Variants in C6 observed in about 807,000 individuals in gnomAD.
C6 encodes complement C6.
Under a neutral mutation model 112.9 loss-of-function variants are expected in C6, and 101 were observed. The ratio of observed to expected loss-of-function variants is 0.89; its 90% confidence interval spans 0.76 to 1.06. The LOEUF is 1.06. Ranked by LOEUF, C6 falls within the 50% of genes least tolerant of loss-of-function variation. The pLI, the probability that C6 is intolerant of heterozygous loss-of-function variation, is 0.00. For missense variants in C6, 1,202 were observed against 1,104.6 expected (o/e 1.09, Z -1.25); for synonymous variants, 431 against 384.1 (o/e 1.12, Z -1.43).
At chr5:41,165,765 C>G (rs985304921) in intron 9 of C6, among the ~76,000 whole-genome samples, 3 of 151,876 alleles carry the variant, frequency 2.0e-5, no homozygotes, top group Non-Finnish European at 4.4e-5. Context: ...TAAGTAAATA[C>G]TATTATTATT....
intron 1 of C6, among the ~76,000 whole-genome samples, chr5:41,241,081 A>G (rs1314353805): frequency 6.6e-6 from 1 of 152,180 alleles, no homozygotes; most frequent in African/African-American, 2.4e-5. Context: ...TGAGGCCCCC[A>G]GTGGCATGCA....
intron 7 of C6, among the ~76,000 whole-genome samples, chr5:41,179,509 C>T (rs1749142711): frequency 6.6e-6 from 1 of 151,910 alleles, no homozygotes; most frequent in Non-Finnish European, 1.5e-5. Context: ...CATGCCCAAT[C>T]CCAGGTATTC....
chr5:41,146,921 CAA>C (rs373241654), intron 17 of C6, among the ~76,000 whole-genome samples: 50 of 144,830 alleles, frequency 3.5e-4, no homozygotes, highest in Non-Finnish European at 7.0e-4. Context: ...GGGAAGATAG[CAA>C]AAAAAAAAAT....
intron 1 of C6, chr5:41,213,165 G>A (rs1490954525): frequency 6.4e-6 from 1 of 155,446 alleles, no homozygotes; most frequent in East Asian, 1.9e-4. Flanking sequence ...AGAGAAACTT[G>A]ATCTCAAATG....
chr5:41,173,492 C>T (rs1478514994), intron 8 of C6, among the ~76,000 whole-genome samples: 3 of 152,156 alleles, frequency 2.0e-5, no homozygotes, highest in Non-Finnish European at 4.4e-5. Flanking sequence ...TGACTCACTG[C>T]TGGAAACATC....
rs752169165 is a variant in C6, at chr5:41,159,148, C to T, written c.1790G>A (p.Gly597Glu). 3 of 1,613,684 alleles carry T rather than the reference C, an allele frequency of 1.9e-6. No individual in the cohort carries two copies. The highest frequency in any genetic ancestry group is 2.5e-6 in the Non-Finnish European group (3 of 1,179,762). ...CTTCTCCCCCTCACAGCGTTTCCCT[C>T]CTCGTTGGGGGGCAGGATTATTGCA... ...RECNNPAPQRGGKRCEGEKRQ... is the reference protein window; with the variant it reads ...RECNNPAPQREGKRCEGEKRQ... The change falls in exon 12 of 18, where the codon GGA becomes GAA. Residue 597 changes from glycine to glutamate, a missense_variant. By Grantham distance (98) the Gly-to-Glu change is moderately conservative. Transcript: ENST00000337836.
chr5:41,148,115 A>G (rs1024966853), intron 17 of C6, among the ~76,000 whole-genome samples: 67 of 152,338 alleles, frequency 4.4e-4, no homozygotes, highest in African/African-American at 1.5e-3. Flanking sequence ...CTATATCTGA[A>G]GGATGTAATC....
Position 41,142,723 on chromosome 5 carries a change from TGAGCATGCCA to T in C6, c.*92_*101del, listed in dbSNP as rs1745460704. 1 of 918,584 alleles carries T rather than the reference TGAGCATGCCA, an allele frequency of 1.1e-6. No individual in the cohort carries two copies. Among genetic ancestry groups the T allele is most frequent in the Admixed American group, 1.7e-5 (1 of 57,612 alleles). The allele number at this position is 918,584 out of a possible 1,614,324, so 56.9% of individuals were successfully genotyped here. A position where few individuals can be genotyped will look rare whatever the true frequency, so the allele number is the denominator to read the frequency against. The stretch of plus-strand genomic sequence containing the variant: ...AGAAAATAATTTTTGTCAGTAACTT[TGAGCATGCCA>T]GTCTGCTGTTTGTGCAAGAATTCTC... On this transcript the variant is annotated 3_prime_UTR_variant, in exon 18 of 18. Coordinates refer to ENST00000337836, the MANE Select transcript of C6 (RefSeq NM_000065.5).
At chr5:41,193,859 C>T (rs978627595) in intron 5 of C6, among the ~76,000 whole-genome samples, 15 of 139,002 alleles carry the variant, frequency 1.1e-4, no homozygotes, top group African/African-American at 3.8e-4. Flanking sequence ...GGCAGAGATT[C>T]TAAGGCCAGC....
chr5:41,173,663 G>C (rs966687399), intron 8 of C6, among the ~76,000 whole-genome samples: 1 of 152,060 alleles, frequency 6.6e-6, no homozygotes, highest in Non-Finnish European at 1.5e-5. Context: ...AGCAGGGATG[G>C]GTGTTTTTAG....
intron 5 of C6, among the ~76,000 whole-genome samples, chr5:41,189,315 A>G (rs1198343707): frequency 2.0e-5 from 3 of 152,204 alleles, no homozygotes; most frequent in South Asian, 2.1e-4. Flanking sequence ...CAATGCAAAA[A>G]CTTGTACATG....
chr5:41,213,805 A>G (rs1418326340), upstream of C6, among the ~76,000 whole-genome samples: 1 of 152,216 alleles, frequency 6.6e-6, no homozygotes, highest in Non-Finnish European at 1.5e-5. Context: ...ATTATAGAAT[A>G]GTTATTGGTA....
chr5:41,190,944 C>T (rs575951389), intron 5 of C6, among the ~76,000 whole-genome samples: 20 of 152,016 alleles, frequency 1.3e-4, no homozygotes, highest in African/African-American at 4.1e-4. Context: ...GTTCTGTATT[C>T]GGTTCCATTG....
chr5:41,234,413 C>T (rs1479579681), intron 1 of C6, among the ~76,000 whole-genome samples: 1 of 137,738 alleles, frequency 7.3e-6, no homozygotes, highest in African/African-American at 2.8e-5. Context: ...GAATGGAAAT[C>T]ATTTTGCCAG....
intron 8 of C6, among the ~76,000 whole-genome samples, chr5:41,175,867 G>T (rs1748797818): frequency 6.6e-6 from 1 of 152,172 alleles, no homozygotes; most frequent in East Asian, 1.9e-4. Context: ...CATAAAGCAT[G>T]CAGGCAGTGT....
chr5:41,221,408 A>G (rs1580219482), intron 1 of C6, among the ~76,000 whole-genome samples: 1 of 152,120 alleles, frequency 6.6e-6, no homozygotes, highest in African/African-American at 2.4e-5. Context: ...GCTCAACCCT[A>G]TCTGATGCAA....
intron 1 of C6, among the ~76,000 whole-genome samples, chr5:41,233,192 G>A (rs1033420114): frequency 6.6e-6 from 1 of 151,898 alleles, no homozygotes; most frequent in African/African-American, 2.4e-5. Context: ...AACATTTTTA[G>A]CAGTCAGTTT....
intron 5 of C6, among the ~76,000 whole-genome samples, chr5:41,193,715 C>T (rs1168942811): frequency 6.6e-6 from 1 of 150,600 alleles, no homozygotes; most frequent in Admixed American, 6.6e-5. Flanking sequence ...CTGATGTTGG[C>T]AATGTAGAAA....
At chr5:41,181,309 T>A in intron 7 of C6, 50 bp downstream of exon 7, 1 of 1,490,566 alleles carries the variant, frequency 6.7e-7, no homozygotes, top group Non-Finnish European at 9.4e-7. Flanking sequence ...TTACTGGAAT[T>A]ACTGTTAATT....
Sources: gnomAD v4.1 joint callset for allele counts (sites outside exome capture counted in the v4.1 genomes callset) on GRCh38, gnomAD v4.1.1 for gene constraint, MANE v1.5 for transcripts, NCBI Gene and HGNC (gene_info 2026-07-23, HGNC 2026-07-21) for gene names.